Variants in UBA7 observed in about 807,000 individuals in gnomAD.
The protein encoded by UBA7 is ubiquitin like modifier activating enzyme 7, also known as ubiquitin-like modifier-activating enzyme 7.
Under a neutral mutation model 113.0 loss-of-function variants are expected in UBA7, and 88 were observed. The observed-to-expected ratio is 0.78, with a 90% CI of 0.66 to 0.93. UBA7 has a LOEUF of 0.93. UBA7 is among the 40% of genes least tolerant of loss of function. UBA7 has a pLI of 0.00. For synonymous variants in UBA7, 459 were observed against 513.0 expected (o/e 0.89, Z 1.42); for missense variants, 1,092 against 1,266.4 (o/e 0.86, Z 2.09).
In UBA7 at chr3:49,807,936, G is replaced by A. The variant is rs2234389; in HGVS notation, c.2524-9C>T. Reference sequence around the variant, plus strand: ...CCCACAATTCGCTTGCTCTGCCAAGGACAAGAGATTTGGTCTGGGCCCAAG... The same window carrying A: ...CCCACAATTCGCTTGCTCTGCCAAGAACAAGAGATTTGGTCTGGGCCCAAG... On this transcript the variant is annotated splice_polypyrimidine_tract_variant and intron_variant, in intron 20 of 23. Coordinates refer to ENST00000333486, the MANE Select transcript of UBA7 (RefSeq NM_003335.3). This position sits in a 1 kb window ranked among gnomAD's most constrained non-coding sequence, Gnocchi z 4.0. 4.9e-4 allele frequency: 790 copies of A among 1,613,080 alleles called. 4 individuals carry two copies. In the African/African-American group the frequency reaches 9.2e-3, roughly 19 times the overall value.
Position 49,809,441 on chromosome 3 carries a change from GA to G in UBA7, c.2111del (p.Phe704SerfsTer51). On this transcript the variant is annotated frameshift_variant, in exon 17 of 24. Transcript: ENST00000333486. LOFTEE classifies it high-confidence loss of function. ...PNKVLEDGTP[F>X]WSGPKQCPQP... ...GGGGACACTGTTTGGGACCTGACCA[GA>G]AGGGAGTTCCATCCTCAAGCACCTA... is the stretch of plus-strand genomic sequence containing the variant. The G allele has an allele frequency of 6.2e-7, 1 of 1,614,210 alleles. No homozygotes were observed. Among genetic ancestry groups the G allele is most frequent in the Non-Finnish European group, 8.5e-7 (1 of 1,180,032 alleles).
chr3:49,806,738 A>C (rs1309651499), intron 21 of UBA7, among the ~76,000 whole-genome samples: 1 of 152,004 alleles, frequency 6.6e-6, no homozygotes, highest in Non-Finnish European at 1.5e-5. Flanking sequence ...GATGGCTGGC[A>C]GGTATCTAGA....
In UBA7 at chr3:49,810,417, T is replaced by G. The variant is rs753243434; in HGVS notation, c.1479A>C (p.Ala493=). The change falls in exon 13 of 24, where the codon GCA becomes GCC. Residue 493 remains alanine (A), a synonymous_variant. Transcript: ENST00000333486. The surrounding 1 kb of genome is among the most constrained non-coding windows in gnomAD (Gnocchi z 5.6). ...FRSQDVGRPK[A]EVAAAAARGL... is the part of the protein sequence containing the mutation. ...CCCGGGCAGCTGCTGCAGCCACCTCTGCCTTGGGTCTCTGGGAAGAAGGCA... is the reference window on the plus strand; with the variant it reads ...CCCGGGCAGCTGCTGCAGCCACCTCGGCCTTGGGTCTCTGGGAAGAAGGCA... The G allele has an allele frequency of 8.7e-6, 14 of 1,614,150 alleles. No homozygotes were observed. Among genetic ancestry groups the G allele is most frequent in the Non-Finnish European group, 1.2e-5 (14 of 1,180,022 alleles).
Position 49,812,124 on chromosome 3 carries a change from G to A in UBA7, c.777C>T (p.Pro259=). 2 of 1,614,184 alleles carry A rather than the reference G, an allele frequency of 1.2e-6. No individual in the cohort carries two copies. The highest frequency in any genetic ancestry group is 1.7e-6 in the Non-Finnish European group (2 of 1,180,030). Residue 259 remains proline, a synonymous_variant, in exon 7 of 24, where the codon CCC becomes CCT. Coordinates refer to ENST00000333486, the MANE Select transcript of UBA7 (RefSeq NM_003335.3). ...RGGAITEVKR[P]KTVRHKSLDT... ...TTGCACTCACATGTCTCACAGTCTT[G>A]GGTCTCTTGACTTCAGTGATAGCCC...
chr3:49,809,303 G>C (rs899934066), intron 17 of UBA7, 87 bp downstream of exon 17: 2 of 1,554,136 alleles, frequency 1.3e-6, no homozygotes, highest in African/African-American at 2.7e-5. Context: ...CTGGGCATCT[G>C]TGCATCTCTG....
intron 8 of UBA7, 166 bp from the exon 9 acceptor site, chr3:49,811,621 C>A: frequency 8.7e-7 from 1 of 1,152,268 alleles, no homozygotes; most frequent in Non-Finnish European, 1.2e-6. Context: ...CCAGAGGATG[C>A]CCAGTACCAG....
rs573067020 is a variant in UBA7 at position 49,811,425 on chromosome 3, G to T, written c.970C>A (p.Arg324=). Residue 324 remains arginine, a synonymous_variant, in exon 9 of 24, where the codon CGG becomes AGG. Coordinates refer to ENST00000333486, the MANE Select transcript of UBA7 (RefSeq NM_003335.3). ...GTCCGCTTCAGTGGTTCCAGGTCCCGGGCCAGGCCCACCACAGTCTCTGCA... is the reference window on the plus strand; with the variant it reads ...GTCCGCTTCAGTGGTTCCAGGTCCCTGGCCAGGCCCACCACAGTCTCTGCA... ...VDAETVVGLA[R]DLEPLKRTEE... 8.1e-6 allele frequency: 13 copies of T among 1,595,130 alleles called. No individual in the cohort carries two copies. Among genetic ancestry groups the T allele is most frequent in the Non-Finnish European group, 1.0e-5 (12 of 1,171,322 alleles).
Position 49,813,232 on chromosome 3 carries a change from T to G in UBA7, c.360+17A>C. 1 of 1,613,978 alleles carries G rather than the reference T, an allele frequency of 6.2e-7. No individual in the cohort carries two copies. Among genetic ancestry groups the G allele is most frequent in the Non-Finnish European group, 8.5e-7 (1 of 1,179,924 alleles). The stretch of plus-strand genomic sequence containing the variant: ...CCCAGCCCTTCCTGCTCTTGAGGGC[T>G]GCAGGCCTGAGCTGACCTGGAAGTC... On this transcript the variant is annotated intron_variant, in intron 3 of 23. Transcript: ENST00000333486.
intron 17 of UBA7, 68 bp downstream of exon 17, chr3:49,809,322 A>G (rs1383281273): frequency 6.3e-7 from 1 of 1,579,992 alleles, no homozygotes. Context: ...TGCAGAATGC[A>G]GAAATGCCTA....
chr3:49,809,418 G>C lies in UBA7; in HGVS notation c.2135C>G (p.Pro712Arg). 1 of 1,614,162 alleles carries C rather than the reference G, an allele frequency of 6.2e-7. No homozygotes were observed. Among genetic ancestry groups the C allele is most frequent in the Non-Finnish European group, 8.5e-7 (1 of 1,180,006 alleles). The change falls in exon 17 of 24, where the codon CCC becomes CGC. Residue 712 changes from proline (P) to arginine (R), a missense_variant. By Grantham distance (103) the Pro-to-Arg change is moderately radical. This residue lies in a region of UBA7 where 500 missense variants were observed against 529.3 expected (regional missense o/e 0.94). Coordinates refer to ENST00000333486, the MANE Select transcript of UBA7 (RefSeq NM_003335.3). The stretch of plus-strand genomic sequence containing the variant: ...GTTGGTGTCAAACTCCAAGGGCTGG[G>C]GACACTGTTTGGGACCTGACCAGAA... ...TPFWSGPKQC[P>R]QPLEFDTNQD...
rs766313090 is a variant in UBA7 at position 49,812,706 on chromosome 3, G to A, written c.500C>T (p.Thr167Ile). The change falls in exon 5 of 24, where the codon ACT becomes ATT. Residue 167 changes from threonine to isoleucine, a missense_variant. This residue lies in a region of UBA7 where 584 missense variants were observed against 714.5 expected (regional missense o/e 0.82). Coordinates refer to ENST00000333486, the MANE Select transcript of UBA7 (RefSeq NM_003335.3). ...TTCTGCCTCTGTGGGGTCCTGCACAGTGAAGTCCTCACCAAAGTCACAGAA... is the reference window on the plus strand; with the variant it reads ...TTCTGCCTCTGTGGGGTCCTGCACAATGAAGTCCTCACCAAAGTCACAGAA... Reference protein sequence around the residue: ...QLFCDFGEDFTVQDPTEAEPL... With the variant: ...QLFCDFGEDFIVQDPTEAEPL... 3.9e-5 allele frequency: 63 copies of A among 1,614,120 alleles called. No individual in the cohort carries two copies. The East Asian group carries it at 1.3e-3, about 33-fold the overall frequency.
Position 49,807,508 on chromosome 3 carries a change from C to A in UBA7, c.2715+228G>T, listed in dbSNP as rs893335187. On this transcript the variant is annotated intron_variant, in intron 21 of 23. Coordinates refer to ENST00000333486, the MANE Select transcript of UBA7 (RefSeq NM_003335.3). This position sits in a 1 kb window ranked among gnomAD's most constrained non-coding sequence, Gnocchi z 4.0. Reference sequence around the variant, plus strand: ...TAATGAGTTAAAGCTGCAGCTCCCCCAGATCCTGGGCTTTGGAGGATTGGG... The same window carrying A: ...TAATGAGTTAAAGCTGCAGCTCCCCAAGATCCTGGGCTTTGGAGGATTGGG... Among the ~76,000 whole-genome samples the A allele has an allele frequency of 6.6e-6, 1 of 152,212 alleles. No individual in the cohort carries two copies. The highest frequency in any genetic ancestry group is 6.5e-5 in the Admixed American group (1 of 15,282).
rs367696449 is a variant in UBA7 at position 49,812,775 on chromosome 3, C to A, written c.468-37G>T. The A allele has an allele frequency of 9.7e-5, 156 of 1,608,456 alleles. 1 individual carries two copies. The highest frequency in any genetic ancestry group is 1.3e-4 in the Non-Finnish European group (150 of 1,175,952). On this transcript the variant is annotated intron_variant, in intron 4 of 23. Transcript: ENST00000333486. ...TGGTAGGGGTCACTGAGGTGGCTTACAGATTGTACTTAAGGATAGGGGATA... is the reference window on the plus strand; with the variant it reads ...TGGTAGGGGTCACTGAGGTGGCTTAAAGATTGTACTTAAGGATAGGGGATA...
At chr3:49,806,655 A>G (rs1231197680) in intron 21 of UBA7, among the ~76,000 whole-genome samples, 3 of 152,042 alleles carry the variant, frequency 2.0e-5, no homozygotes, top group Admixed American at 2.0e-4. Flanking sequence ...CAATGCATAG[A>G]GGCTTCCTCC....
rs771026347 is a variant in UBA7 at position 49,813,111 on chromosome 3, G to A, written c.418C>T (p.His140Tyr). 2.5e-6 allele frequency: 4 copies of A among 1,614,156 alleles called. No homozygotes were observed. The highest frequency in any genetic ancestry group is 2.5e-6 in the Non-Finnish European group (3 of 1,180,018). Residue 140 changes from histidine to tyrosine, a missense_variant, in exon 4 of 24, where the codon CAT becomes TAT. Physicochemically the swap from His to Tyr is moderately conservative, Grantham distance 83. Coordinates refer to ENST00000333486, the MANE Select transcript of UBA7 (RefSeq NM_003335.3). ...GCCAGAAAGCAAACTCCATGCTTATGACACAAGGTGCCCACCTTCAGCTGC... is the reference window on the plus strand; with the variant it reads ...GCCAGAAAGCAAACTCCATGCTTATAACACAAGGTGCCCACCTTCAGCTGC... The part of the protein sequence containing the change: ...EEQLKVGTLC[H>Y]KHGVCFLAAD...
chr3:49,812,245 C>A (rs2081561275), intron 6 of UBA7, 39 bp from the exon 7 acceptor site: 3 of 1,612,732 alleles, frequency 1.9e-6, no homozygotes, highest in Non-Finnish European at 2.5e-6. Context: ...GATCCTTGAG[C>A]CTGAGTAGTT....
At position 49,810,512 on chromosome 3, in the gene UBA7, C is replaced by T. The variant is rs775104081; in HGVS notation, c.1467+5G>A. On this transcript the variant is annotated splice_donor_5th_base_variant and intron_variant, in intron 12 of 23. Coordinates refer to ENST00000333486, the MANE Select transcript of UBA7 (RefSeq NM_003335.3). This position sits in a 1 kb window ranked among gnomAD's most constrained non-coding sequence, Gnocchi z 5.6. The stretch of plus-strand genomic sequence containing the variant: ...GCAGGAGTGTGGAGAGGGGTCAGCA[C>T]TCACACCAACGTCCTGGGACCTGAA... The T allele has an allele frequency of 1.2e-6, 2 of 1,614,060 alleles. No homozygotes were observed. Among genetic ancestry groups the T allele is most frequent in the Non-Finnish European group, 1.7e-6 (2 of 1,179,988 alleles).
In UBA7 at chr3:49,805,891, G is replaced by A. The variant is rs951261568; in HGVS notation, c.2909+6C>T. On this transcript the variant is annotated splice_donor_region_variant and intron_variant, in intron 23 of 23. Transcript: ENST00000333486. The stretch of plus-strand genomic sequence containing the variant: ...GGGGCCTGTCTAAAGCCCCAAGTGG[G>A]CTCACCTGAGGGGCAGGTGCTGGGC... 5 of 1,551,452 alleles carry A rather than the reference G, an allele frequency of 3.2e-6. No individual in the cohort carries two copies. The highest frequency in any genetic ancestry group is 4.4e-6 in the Non-Finnish European group (5 of 1,147,320).
intron 17 of UBA7, 108 bp downstream of exon 17, chr3:49,809,282 C>T: frequency 1.3e-6 from 2 of 1,539,090 alleles, no homozygotes; most frequent in African/African-American, 1.4e-5. Context: ...TATGCACAAG[C>T]ATGGCTCTCT....
Sources: allele counts gnomAD v4.1 joint callset (sites outside exome capture counted in the v4.1 genomes callset), GRCh38; gene constraint gnomAD v4.1.1; regional missense constraint gnomAD v4.1.1; non-coding constraint Gnocchi (gnomAD v3.1); transcripts MANE v1.5; gene names NCBI Gene and HGNC (gene_info 2026-07-23, HGNC 2026-07-21).